The following ATOSA variants were observed in gnomAD, a reference collection of about 807,000 sequenced individuals.
ATOSA encodes atos homolog A.
chr15:52,697,999 C>T, the ATOSA span, among the ~76,000 whole-genome samples: 3 of 82,476 alleles, frequency 3.6e-5, no homozygotes, highest in Non-Finnish European at 6.8e-5. Flanking sequence ...TTTTGTGAGA[C>T]AGAGTCTGGC....
At chr15:52,650,502 A>C in the ATOSA span, among the ~76,000 whole-genome samples, 6 of 152,160 alleles carry the variant, frequency 3.9e-5, no homozygotes, top group Non-Finnish European at 7.4e-5. Flanking sequence ...TTTTAATACA[A>C]ATGTTATATA....
At chr15:52,689,459 A>C in the ATOSA span, among the ~76,000 whole-genome samples, 1 of 152,238 alleles carries the variant, frequency 6.6e-6, no homozygotes, top group Non-Finnish European at 1.5e-5. Flanking sequence ...TGGAAACATG[A>C]ATATGAAATA....
the ATOSA span, among the ~76,000 whole-genome samples, chr15:52,695,901 A>G: frequency 1.1e-3 from 174 of 152,186 alleles, no homozygotes; most frequent in Non-Finnish European, 2.2e-3. Flanking sequence ...AGGCAGGAGC[A>G]TTCCCTTATA....
At chr15:52,649,181 T>G in the ATOSA span, among the ~76,000 whole-genome samples, 4 of 152,294 alleles carry the variant, frequency 2.6e-5, no homozygotes, top group Admixed American at 2.6e-4. Context: ...TGACAAAAAG[T>G]TGTCAAGACC....
the ATOSA span, among the ~76,000 whole-genome samples, chr15:52,620,218 G>C: frequency 6.6e-6 from 1 of 152,210 alleles, no homozygotes; most frequent in Non-Finnish European, 1.5e-5. Flanking sequence ...CATTGCTAGA[G>C]GTGTTCAAGC....
chr15:52,589,366 C>G, the ATOSA span, among the ~76,000 whole-genome samples: 1 of 152,066 alleles, frequency 6.6e-6, no homozygotes, highest in African/African-American at 2.4e-5. Context: ...TAATAGCTAT[C>G]TTTAAAATCA....
the ATOSA span, among the ~76,000 whole-genome samples, chr15:52,666,615 C>T: frequency 3.3e-5 from 5 of 152,024 alleles, no homozygotes; most frequent in Admixed American, 6.6e-5. Flanking sequence ...GAATGCATAA[C>T]GTTGTCAAGT....
the ATOSA span, among the ~76,000 whole-genome samples, chr15:52,659,192 A>G: frequency 1.3e-5 from 2 of 152,094 alleles, no homozygotes; most frequent in African/African-American, 4.8e-5. Context: ...TTTTCAAACC[A>G]CAAGTTTCTG....
the ATOSA span, among the ~76,000 whole-genome samples, chr15:52,709,241 G>A: frequency 4.5e-3 from 681 of 152,152 alleles, 7 homozygotes; most frequent in East Asian, 0.017. Context: ...TACATTTGTC[G>A]TGGAAACTGG....
chr15:52,585,678 T>C, the ATOSA span, among the ~76,000 whole-genome samples: 3 of 152,212 alleles, frequency 2.0e-5, no homozygotes, highest in Non-Finnish European at 4.4e-5. Flanking sequence ...TGGTAAAGAC[T>C]GAATTAAATT....
At chr15:52,696,443 T>C in the ATOSA span, among the ~76,000 whole-genome samples, 1 of 152,196 alleles carries the variant, frequency 6.6e-6, no homozygotes, top group African/African-American at 2.4e-5. Context: ...TCTTCCAGTC[T>C]ATCCTATCAG....
the ATOSA span, chr15:52,601,226 TGATAA>T: frequency 1.0e-6 from 1 of 1,000,062 alleles, no homozygotes; most frequent in African/African-American, 1.7e-5. Flanking sequence ...TTTCTTGAAT[TGATAA>T]AACACTTTTT....
chr15:52,592,932 A>G, the ATOSA span, among the ~76,000 whole-genome samples: 2 of 152,158 alleles, frequency 1.3e-5, no homozygotes, highest in African/African-American at 4.8e-5. Context: ...GGTCTGCTTG[A>G]GGCCAGGAGT....
chr15:52,618,785 A>G, the ATOSA span, among the ~76,000 whole-genome samples: 1 of 151,998 alleles, frequency 6.6e-6, no homozygotes, highest in Non-Finnish European at 1.5e-5. Context: ...CCTGGCCTCA[A>G]GCAGTTCTCC....
the ATOSA span, among the ~76,000 whole-genome samples, chr15:52,700,513 A>G: frequency 6.6e-6 from 1 of 152,144 alleles, no homozygotes; most frequent in African/African-American, 2.4e-5. Context: ...CATAGCTTTC[A>G]GGTTCTCAAC....
chr15:52,667,028 G>A, the ATOSA span, among the ~76,000 whole-genome samples: 2 of 152,134 alleles, frequency 1.3e-5, no homozygotes, highest in African/African-American at 2.4e-5. Context: ...TGTCAAATGT[G>A]CTTGTAGTGA....
chr15:52,639,566 T>C, the ATOSA span, among the ~76,000 whole-genome samples: 1 of 152,232 alleles, frequency 6.6e-6, no homozygotes, highest in Non-Finnish European at 1.5e-5. Context: ...GGTTTCTGTT[T>C]ATAAAAGGTC....
At chr15:52,646,055 C>T in the ATOSA span, among the ~76,000 whole-genome samples, 2 of 152,118 alleles carry the variant, frequency 1.3e-5, no homozygotes, top group Non-Finnish European at 2.9e-5. Flanking sequence ...ACATTTTTAC[C>T]TCATGGGAAA....
the ATOSA span, among the ~76,000 whole-genome samples, chr15:52,660,681 C>T: frequency 1.2e-4 from 19 of 152,122 alleles, no homozygotes; most frequent in Non-Finnish European, 4.4e-5. Flanking sequence ...GACAGAGTTT[C>T]GCTTTTTTTG....
Sources: gnomAD v4.1 joint callset for allele counts (sites outside exome capture counted in the v4.1 genomes callset) on GRCh38, gnomAD v4.1.1 for gene constraint, MANE v1.5 for transcripts, NCBI Gene and HGNC (gene_info 2026-07-23, HGNC 2026-07-21) for gene names.